SYTL2: variants seen among roughly 807,000 people sequenced by gnomAD.
SYTL2 encodes synaptotagmin-like protein 2.
SYTL2 carries 165 observed loss-of-function variants against 198.7 expected under a neutral mutation model. The observed-to-expected ratio is 0.83, with a 90% CI of 0.73 to 0.94. SYTL2 has a LOEUF of 0.94. Ranked by LOEUF, SYTL2 falls within the 40% of genes least tolerant of loss-of-function variation. The pLI is 0.00. For missense variants in SYTL2, 2,835 were observed against 2,582.8 expected (o/e 1.10, Z -2.12); for synonymous variants, 966 against 917.7 (o/e 1.05, Z -0.95).
intron 4 of SYTL2, among the ~76,000 whole-genome samples, chr11:85,743,137 T>G (rs1368446620): frequency 1.3e-5 from 2 of 152,312 alleles, no homozygotes; most frequent in Non-Finnish European, 2.9e-5. Flanking sequence ...AACTTCTGAC[T>G]CCTGGCTAAG....
intron 1 of SYTL2, among the ~76,000 whole-genome samples, chr11:85,787,207 T>C (rs1209081319): frequency 2.0e-5 from 3 of 152,178 alleles, no homozygotes; most frequent in African/African-American, 4.8e-5. Flanking sequence ...TCTCTGAACC[T>C]GCGATTTCCC....
chr11:85,720,772 A>G, intron 9 of SYTL2, 86 bp downstream of exon 9: 1 of 935,648 alleles, frequency 1.1e-6, no homozygotes, highest in Non-Finnish European at 1.8e-6. Flanking sequence ...GCAGTGCACA[A>G]CAGCACGCAG....
At chr11:85,777,222 C>A (rs2092466945) in intron 1 of SYTL2, among the ~76,000 whole-genome samples, 1 of 152,150 alleles carries the variant, frequency 6.6e-6, no homozygotes. Flanking sequence ...ATGGGTGGCC[C>A]CAAGCCCTAC....
chr11:85,840,114 GC>G, the SYTL2 span, among the ~76,000 whole-genome samples: 1 of 152,056 alleles, frequency 6.6e-6, no homozygotes, highest in Non-Finnish European at 1.5e-5. Context: ...CAAATCTTTT[GC>G]CCATTTCTTA....
rs531635185 is a variant in SYTL2, at chr11:85,711,000, C to T, written c.5745+113G>A. 23 of 1,157,964 alleles carry T rather than the reference C, an allele frequency of 2.0e-5. No homozygotes were observed. The African/African-American group carries it at 3.6e-4, about 18-fold the overall frequency. The allele number at this position is 1,157,964 out of a possible 1,614,324, so 71.7% of individuals were successfully genotyped here. A position where few individuals can be genotyped will look rare whatever the true frequency, so the allele number is the denominator to read the frequency against. On this transcript the variant is annotated intron_variant, in intron 13 of 19. Coordinates refer to ENST00000359152, the MANE Select transcript of SYTL2 (RefSeq NM_206927.4). ...AGAAGCTAATTATGGATTAGAGAAA[C>T]TGTTTGTGCCCTGAGAAATACAGGA...
intron 10 of SYTL2, 32 bp from the exon 11 acceptor site, chr11:85,717,562 C>T (rs201024650): frequency 6.4e-7 from 1 of 1,571,504 alleles, no homozygotes; most frequent in Admixed American, 1.7e-5. Flanking sequence ...AGAATAAATA[C>T]CATTTTAACA....
the SYTL2 span, among the ~76,000 whole-genome samples, chr11:85,847,795 T>C: frequency 3.9e-5 from 6 of 152,258 alleles, no homozygotes; most frequent in African/African-American, 9.6e-5. Context: ...TTCAAATCTT[T>C]TGGCATTTGT....
intron 1 of SYTL2, among the ~76,000 whole-genome samples, chr11:85,796,687 C>A (rs2092808563): frequency 6.6e-6 from 1 of 152,180 alleles, no homozygotes; most frequent in Non-Finnish European, 1.5e-5. Flanking sequence ...ATCCCAAATG[C>A]AGCTTCTAAA....
intron 1 of SYTL2, among the ~76,000 whole-genome samples, chr11:85,776,410 G>A (rs113507802): frequency 5.3e-5 from 8 of 152,118 alleles, no homozygotes; most frequent in South Asian, 2.1e-4. Flanking sequence ...GCCTCCCACC[G>A]CGCAACAGGC....
chr11:85,799,681 C>T (rs1305538615), intron 1 of SYTL2, among the ~76,000 whole-genome samples: 2 of 152,132 alleles, frequency 1.3e-5, no homozygotes, highest in African/African-American at 4.8e-5. Context: ...TCACCCAGAT[C>T]GCCTCTCAAA....
In SYTL2 at chr11:85,737,672, T is replaced by C; in HGVS notation, c.390-16A>G. 6.2e-7 allele frequency: 1 copy of C among 1,602,952 alleles called. No individual in the cohort carries two copies. The highest frequency in any genetic ancestry group is 8.5e-7 in the Non-Finnish European group (1 of 1,170,380). On this transcript the variant is annotated splice_polypyrimidine_tract_variant and intron_variant, in intron 4 of 19. Transcript: ENST00000359152. ...CACACTGGAACTGCAAAAGAAACAA[T>C]AATTCAGAGAATAAAACCTCACCTT...
chr11:85,708,113 A>C (rs770752106), intron 14 of SYTL2: 5 of 432,992 alleles, frequency 1.2e-5, no homozygotes, highest in African/African-American at 2.1e-5. Context: ...CTGTGAGCTG[A>C]GATCGTGCCA....
At chr11:85,719,047 CG>C in intron 9 of SYTL2, 2 of 1,516,100 alleles carry the variant, frequency 1.3e-6, no homozygotes, top group South Asian at 2.4e-5. Flanking sequence ...CATTTCAGCC[CG>C]GATGCAGCTC....
intron 1 of SYTL2, among the ~76,000 whole-genome samples, chr11:85,804,459 T>C (rs754520602): frequency 6.6e-6 from 1 of 152,226 alleles, no homozygotes; most frequent in Non-Finnish European, 1.5e-5. Context: ...TTGTTCTTAT[T>C]GGCTGTGTCA....
At chr11:85,817,099 A>G in the SYTL2 span, among the ~76,000 whole-genome samples, 3 of 152,132 alleles carry the variant, frequency 2.0e-5, no homozygotes, top group Non-Finnish European at 4.4e-5. Context: ...AGTGACTCTT[A>G]CTAACTTTTT....
the SYTL2 span, among the ~76,000 whole-genome samples, chr11:85,832,945 A>G: frequency 6.7e-6 from 1 of 149,488 alleles, no homozygotes; most frequent in African/African-American, 2.5e-5. Flanking sequence ...GCAGTGAGCT[A>G]TGATTGCTCC....
At chr11:85,738,831 C>T (rs1199769710) in intron 4 of SYTL2, among the ~76,000 whole-genome samples, 1 of 152,098 alleles carries the variant, frequency 6.6e-6, no homozygotes, top group Non-Finnish European at 1.5e-5. Flanking sequence ...CTGTGGAACA[C>T]CTGTCTTTTT....
At chr11:85,745,844 T>G in intron 3 of SYTL2, 72 bp from the exon 4 acceptor site, 1 of 1,488,948 alleles carries the variant, frequency 6.7e-7, no homozygotes, top group Non-Finnish European at 9.1e-7. Flanking sequence ...TTATCAGCTC[T>G]TATCACTGAA....
the SYTL2 span, among the ~76,000 whole-genome samples, chr11:85,831,788 C>A: frequency 6.6e-6 from 1 of 151,878 alleles, no homozygotes; most frequent in Non-Finnish European, 1.5e-5. Context: ...CAGATTTGAC[C>A]ACAACAAAAA....
Sources: allele counts gnomAD v4.1 joint callset (sites outside exome capture counted in the v4.1 genomes callset), GRCh38; gene constraint gnomAD v4.1.1; transcripts MANE v1.5; gene names NCBI Gene and HGNC (gene_info 2026-07-23, HGNC 2026-07-21).